TCFL5: variants seen among roughly 807,000 people sequenced by gnomAD.
TCFL5 encodes transcription factor-like 5 protein.
TCFL5 carries 9 observed loss-of-function variants against 44.3 expected under a neutral mutation model. That is an observed-to-expected ratio of 0.20 (90% CI 0.12 to 0.35). TCFL5 has a LOEUF of 0.35. Among genes scored for constraint, TCFL5 ranks in the 10% least tolerant of loss-of-function variants. The pLI, the probability that TCFL5 is intolerant of heterozygous loss-of-function variation, is 1.00. For missense variants in TCFL5, 603 were observed against 613.4 expected, an observed-to-expected ratio of 0.98 and a Z score of 0.18; for synonymous variants, 319 against 271.6, an observed-to-expected ratio of 1.17 and a Z score of -1.72.
At position 62,860,119 on chromosome 20, in the gene TCFL5, C is replaced by A; in HGVS notation, c.831+6G>T. ...AGAGCAAAGCTTCACAAATCATGTT[C>A]CCTACCTGTGTCTGTGAAAGATTAG... is the stretch of plus-strand genomic sequence containing the variant. On this transcript the variant is annotated splice_donor_region_variant and intron_variant, in intron 2 of 5. Coordinates refer to ENST00000335351, the MANE Select transcript of TCFL5 (RefSeq NM_006602.4). 1 of 1,600,724 alleles carries A rather than the reference C, an allele frequency of 6.2e-7. No homozygotes were observed. The highest frequency in any genetic ancestry group is 1.1e-5 in the South Asian group (1 of 90,498).
At chr20:62,859,252 G>C (rs2063946774) in intron 3 of TCFL5, 112 bp downstream of exon 3, 1 of 1,065,582 alleles carries the variant, frequency 9.4e-7, no homozygotes, top group African/African-American at 1.6e-5. Flanking sequence ...CTCCAAGACT[G>C]TTTCACATGT....
rs558468853 is a variant in TCFL5, at chr20:62,860,207, G to T, written c.749C>A (p.Thr250Asn). The change falls in exon 2 of 6, where the codon ACT becomes AAT. Residue 250 changes from threonine to asparagine, a missense_variant. Around this residue, in one of 4 missense-constraint regions of TCFL5, gnomAD observed 540 missense variants for 478.7 expected, o/e 1.13. Coordinates refer to ENST00000335351, the MANE Select transcript of TCFL5 (RefSeq NM_006602.4). ...ALVKNKTAAT[T>N]TALQFTYPLF... Reference sequence around the variant, plus strand: ...TGGGTATGTAAATTGCAAAGCAGTAGTTGTAGCCGCAGTTTTATTTTTCAC... The same window carrying T: ...TGGGTATGTAAATTGCAAAGCAGTATTTGTAGCCGCAGTTTTATTTTTCAC... 5.6e-5 allele frequency: 91 copies of T among 1,613,916 alleles called. 1 individual carries two copies. The South Asian group carries it at 9.2e-4, about 16-fold the overall frequency.
intron 5 of TCFL5, chr20:62,852,003 A>C (rs1282541779): frequency 1.1e-6 from 1 of 904,574 alleles, no homozygotes; most frequent in African/African-American, 1.8e-5. Context: ...CGGGGGTCTC[A>C]TCATGTTGGC....
chr20:62,858,388 ATATTT>A (rs1187833086), intron 3 of TCFL5, among the ~76,000 whole-genome samples: 4 of 152,248 alleles, frequency 2.6e-5, no homozygotes, highest in African/African-American at 9.6e-5. Flanking sequence ...CGTTTTGGTG[ATATTT>A]TATTCCTTAA....
rs1300633955 is a variant in TCFL5, at chr20:62,859,502, G to A, written c.856C>T (p.Leu286Phe). The stretch of plus-strand genomic sequence containing the variant: ...ATATCCTGGTGCTTGGCAGCTTCAA[G>A]TACAGAACATGAGTTACTAGAACTC... ...TQSSSNSCSVLEAAKHQDIGL... is the reference protein window; with the variant it reads ...TQSSSNSCSVFEAAKHQDIGL... The change falls in exon 3 of 6, where the codon CTT (leucine) becomes TTT (phenylalanine). Residue 286 changes from leucine to phenylalanine, a missense_variant. Transcript: ENST00000335351. 10 of 1,612,780 alleles carry A rather than the reference G, an allele frequency of 6.2e-6. No homozygotes were observed. The highest frequency in any genetic ancestry group is 2.7e-5 in the African/African-American group (2 of 74,814).
rs2063915458 is a variant in TCFL5, at chr20:62,857,636, C to T, written c.997G>A (p.Ala333Thr). 1.2e-6 allele frequency: 2 copies of T among 1,608,160 alleles called. No individual in the cohort carries two copies. Among genetic ancestry groups the T allele is most frequent in the Non-Finnish European group, 8.5e-7 (1 of 1,176,418 alleles). Residue 333 changes from alanine to threonine, a missense_variant and splice_region_variant, in exon 4 of 6, where the codon GCA becomes ACA. Around this residue, in one of 4 missense-constraint regions of TCFL5, gnomAD observed 540 missense variants for 478.7 expected, o/e 1.13. Transcript: ENST00000335351. ...TTCAGTGCTTGTTTGCATAGCGCTG[C>T]TTCTTTGCGAAAGAAGAAAAAAGTG... The part of the protein sequence containing the change: ...PEQVWIKVGE[A>T]ALCKQALKRN...
At chr20:62,854,808 T>A (rs1311235603) in intron 4 of TCFL5, among the ~76,000 whole-genome samples, 4 of 152,256 alleles carry the variant, frequency 2.6e-5, no homozygotes, top group Admixed American at 2.6e-4. Flanking sequence ...TTATTCAATA[T>A]GGCCCTTGTT....
At chr20:62,844,663 C>T (rs1420870625) in intron 5 of TCFL5, among the ~76,000 whole-genome samples, 1 of 151,374 alleles carries the variant, frequency 6.6e-6, no homozygotes, top group Non-Finnish European at 1.5e-5. Flanking sequence ...CTGCAACCTC[C>T]ACCTCCCTGC....
At chr20:62,859,663 A>T (rs2063955335) in intron 2 of TCFL5, 137 bp from the exon 3 acceptor site, 6 of 791,568 alleles carry the variant, frequency 7.6e-6, no homozygotes, top group African/African-American at 1.8e-5. Flanking sequence ...CTGAAGATTT[A>T]AAAATATTCG....
At chr20:62,852,910 G>C (rs1324260146) in intron 5 of TCFL5, 31 of 1,289,450 alleles carry the variant, frequency 2.4e-5, no homozygotes, top group Non-Finnish European at 3.1e-5. Context: ...CATTCACCCA[G>C]TCAGCAGAAG....
chr20:62,858,058 C>T (rs2147288217), intron 3 of TCFL5, among the ~76,000 whole-genome samples: 1 of 151,444 alleles, frequency 6.6e-6, no homozygotes, highest in Admixed American at 6.6e-5. Flanking sequence ...TCTTTATATA[C>T]AATTATTCTA....
At chr20:62,852,143 C>T in intron 5 of TCFL5, 1 of 985,474 alleles carries the variant, frequency 1.0e-6, no homozygotes, top group Non-Finnish European at 1.2e-6. Flanking sequence ...TTTGTTGCAG[C>T]AACCTTAGTT....
At chr20:62,848,231 G>C (rs2063767994) in intron 5 of TCFL5, among the ~76,000 whole-genome samples, 1 of 152,188 alleles carries the variant, frequency 6.6e-6, no homozygotes, top group Non-Finnish European at 1.5e-5. Flanking sequence ...AAGAAGGGAG[G>C]GACAGACACC....
chr20:62,861,291 T>A lies in TCFL5; in HGVS notation c.380A>T (p.Gln127Leu). The change falls in exon 1 of 6, where the codon CAG becomes CTG. Residue 127 changes from glutamine to leucine, a missense_variant. Gln to Leu is a moderately radical substitution (Grantham distance 113). This residue lies in a region of TCFL5 where 540 missense variants were observed against 478.7 expected (regional missense o/e 1.13). Transcript: ENST00000335351. The surrounding 1 kb of genome is among the most constrained non-coding windows in gnomAD (Gnocchi z 4.0). ...GCTTAGCAGCATCATGCGCAGCTCC[T>A]GGAAGTCGATGTGGCCCAGGCAGGG... ...DAPCLGHIDF[Q>L]ELRMMLLSEA... 8.3e-7 allele frequency: 1 copy of A among 1,208,394 alleles called. No individual in the cohort carries two copies. The highest frequency in any genetic ancestry group is 1.0e-6 in the Non-Finnish European group (1 of 954,508). The allele number at this position is 1,208,394 out of a possible 1,614,324, so 74.9% of individuals were successfully genotyped here. A position where few individuals can be genotyped will look rare whatever the true frequency, so the allele number is the denominator to read the frequency against.
chr20:62,849,679 T>G (rs1272940644), intron 5 of TCFL5, among the ~76,000 whole-genome samples: 1 of 151,948 alleles, frequency 6.6e-6, no homozygotes, highest in Non-Finnish European at 1.5e-5. Flanking sequence ...AAAAAACTAG[T>G]CAGGCATGGT....
chr20:62,859,454 A>C lies in TCFL5; in HGVS notation c.904T>G (p.Phe302Val). ...QDIGLPRAFSFCYQQEIESTK... is the reference protein window; with the variant it reads ...QDIGLPRAFSVCYQQEIESTK... ...GATTCAATTTCTTGCTGATAACAGA[A>C]AGAAAATGCTCTAGGCAATCCAATA... Residue 302 changes from phenylalanine to valine, a missense_variant, in exon 3 of 6, where the codon TTC becomes GTC. Phe to Val is a conservative substitution (Grantham distance 50). Coordinates refer to ENST00000335351, the MANE Select transcript of TCFL5 (RefSeq NM_006602.4). 1 of 1,614,164 alleles carries C rather than the reference A, an allele frequency of 6.2e-7. No homozygotes were observed.
At position 62,841,848 on chromosome 20, in the gene TCFL5, G is replaced by T; in HGVS notation, c.*127C>A. Reference sequence around the variant, plus strand: ...ATGTGCTCTCAAAGTCCCTACTGGAGTCCCGTCAGCTTGAGTCACGCCCTT... The same window carrying T: ...ATGTGCTCTCAAAGTCCCTACTGGATTCCCGTCAGCTTGAGTCACGCCCTT... On this transcript the variant is annotated 3_prime_UTR_variant, in exon 6 of 6. Coordinates refer to ENST00000335351, the MANE Select transcript of TCFL5 (RefSeq NM_006602.4). 7.7e-7 allele frequency: 1 copy of T among 1,292,392 alleles called. No individual in the cohort carries two copies. The highest frequency in any genetic ancestry group is 1.0e-6 in the Non-Finnish European group (1 of 953,068). 80.1% of individuals were successfully genotyped at this position (1,292,392 alleles called of 1,614,324 possible).
intron 5 of TCFL5, among the ~76,000 whole-genome samples, chr20:62,848,463 G>A (rs572279712): frequency 6.6e-5 from 10 of 152,314 alleles, no homozygotes; most frequent in African/African-American, 1.4e-4. Context: ...CACGGGGGCC[G>A]GGCACAGTGG....
At chr20:62,844,575 G>GTTTTT (rs1169875367) in intron 5 of TCFL5, among the ~76,000 whole-genome samples, 38 of 130,278 alleles carry the variant, frequency 2.9e-4, no homozygotes, top group African/African-American at 1.4e-3. Context: ...TTTTTTGTTT[G>GTTTTT]TTTTTTGTTT....
Sources: allele counts gnomAD v4.1 joint callset (sites outside exome capture counted in the v4.1 genomes callset), GRCh38; gene constraint gnomAD v4.1.1; regional missense constraint gnomAD v4.1.1; non-coding constraint Gnocchi (gnomAD v3.1); transcripts MANE v1.5; gene names NCBI Gene and HGNC (gene_info 2026-07-23, HGNC 2026-07-21).